PDE4D: variants seen among roughly 807,000 people sequenced by gnomAD.
The protein encoded by PDE4D is phosphodiesterase 4D.
Under a neutral mutation model 87.4 loss-of-function variants are expected in PDE4D, and 24 were observed. The ratio of observed to expected loss-of-function variants is 0.27; its 90% CI spans 0.20 to 0.39. The LOEUF (loss-of-function observed/expected upper bound fraction) is 0.39, where lower values mean the gene tolerates loss of function less well. PDE4D is among the 10% of genes least tolerant of loss of function. PDE4D has a pLI of 1.00. For synonymous variants in PDE4D, 384 were observed against 383.2 expected (o/e 1.00, Z -0.02); for missense variants, 714 against 1,041.0 (o/e 0.69, Z 4.32).
At chr5:60,467,026 T>TTATTA (rs1747410100) in intron 1 of PDE4D, among the ~76,000 whole-genome samples, 1 of 149,926 alleles carries the variant, frequency 6.7e-6, no homozygotes, top group South Asian at 2.1e-4. Context: ...AAATATTTTT[T>TTATTA]TATTTTATTT....
intron 1 of PDE4D, among the ~76,000 whole-genome samples, chr5:59,395,479 C>T (rs1789215913): frequency 6.6e-6 from 1 of 152,156 alleles, no homozygotes; most frequent in African/African-American, 2.4e-5. Context: ...CAGGCTGACA[C>T]CTCACACTGC....
intron 5 of PDE4D, among the ~76,000 whole-genome samples, chr5:59,090,807 C>CTTTTTTTTTTTTTTTTTTTTTTTTTTT (rs61610340): frequency 9.4e-6 from 1 of 106,024 alleles, no homozygotes. Flanking sequence ...TTTTCTTTTT[C>CTTTTTTTTTTTTTTTTTTTTTTTTTTT]TTTTTTTTTT....
intron 1 of PDE4D, among the ~76,000 whole-genome samples, chr5:60,465,897 A>T (rs1168464069): frequency 6.6e-6 from 1 of 151,794 alleles, no homozygotes; most frequent in South Asian, 2.1e-4. Flanking sequence ...AAAAAAAAAG[A>T]AAAGGAAGAG....
intron 3 of PDE4D, among the ~76,000 whole-genome samples, chr5:59,977,677 C>T (rs1340030037): frequency 1.3e-5 from 2 of 152,140 alleles, no homozygotes; most frequent in African/African-American, 4.8e-5. Context: ...AGGCACTACA[C>T]TAAACAACAG....
At chr5:59,594,134 C>G (rs1826304719) in intron 1 of PDE4D, among the ~76,000 whole-genome samples, 1 of 122,190 alleles carries the variant, frequency 8.2e-6, no homozygotes, top group Non-Finnish European at 1.7e-5. Flanking sequence ...GCCATTCTCT[C>G]TCACCTATGG....
chr5:59,089,904 A>G (rs1462184820), intron 5 of PDE4D, among the ~76,000 whole-genome samples: 1 of 152,146 alleles, frequency 6.6e-6, no homozygotes, highest in African/African-American at 2.4e-5. Flanking sequence ...AAATAAAAGC[A>G]GAGAGATGAG....
In PDE4D at chr5:59,278,610, C is replaced by A. The variant is rs535260303; in HGVS notation, c.456-62642G>T. Among the ~76,000 whole-genome samples the A allele has an allele frequency of 3.3e-5, 5 of 152,084 alleles. No homozygotes were observed. In the East Asian group the frequency reaches 9.7e-4, roughly 29 times the overall value. ...CATAACACCACCTTCATAATTCTTT[C>A]CATATTAGCATTCCATCTATACCAT... On this transcript the variant is annotated intron_variant, in intron 1 of 14. Coordinates refer to ENST00000340635, the MANE Select transcript of PDE4D (RefSeq NM_001104631.2).
chr5:59,735,851 T>C (rs1757992455), intron 1 of PDE4D, among the ~76,000 whole-genome samples: 1 of 152,072 alleles, frequency 6.6e-6, no homozygotes, highest in Non-Finnish European at 1.5e-5. Context: ...ATATTTTTAG[T>C]ACAGACGGGA....
At chr5:60,465,148 T>G (rs968296171) in intron 1 of PDE4D, among the ~76,000 whole-genome samples, 5 of 151,816 alleles carry the variant, frequency 3.3e-5, no homozygotes, top group Admixed American at 6.6e-5. Flanking sequence ...AAATAAAAAT[T>G]TAATTTATTA....
chr5:60,425,096 C>G (rs1394174270), intron 1 of PDE4D, among the ~76,000 whole-genome samples: 1 of 152,030 alleles, frequency 6.6e-6, no homozygotes, highest in African/African-American at 2.4e-5. Context: ...ATTGTGAAAA[C>G]GGCCACACTG....
intron 1 of PDE4D, among the ~76,000 whole-genome samples, chr5:59,448,638 T>C (rs1163136125): frequency 6.6e-6 from 1 of 152,162 alleles, no homozygotes; most frequent in Non-Finnish European, 1.5e-5. Flanking sequence ...TAGAATGTTG[T>C]AGTTTTGGAA....
intron 6 of PDE4D, among the ~76,000 whole-genome samples, chr5:59,010,385 GTAT>G (rs758312017): frequency 6.7e-6 from 1 of 150,082 alleles, no homozygotes. Flanking sequence ...ATTCTTTTAA[GTAT>G]TATTATTTTA....
intron 4 of PDE4D, among the ~76,000 whole-genome samples, chr5:59,181,841 C>A (rs897927989): frequency 6.6e-6 from 1 of 152,086 alleles, no homozygotes; most frequent in Non-Finnish European, 1.5e-5. Context: ...TGCTTTGCTG[C>A]CTTAGTTTGA....
intron 1 of PDE4D, among the ~76,000 whole-genome samples, chr5:59,729,950 T>G (rs555052487): frequency 1.3e-5 from 2 of 152,154 alleles, no homozygotes; most frequent in African/African-American, 4.8e-5. Context: ...AGCCCCAGAA[T>G]AGAAACCTAA....
Position 60,262,551 on chromosome 5 carries a change from C to A in PDE4D, c.-89-76864G>T, listed in dbSNP as rs372049833. On this transcript the variant is annotated intron_variant, in intron 1 of 16. Transcript: ENST00000502484. ...CAGAACATTCCCAGGACACAGAAAGCCTCTCTTTATTTTACACCCAATATC... is the reference window on the plus strand; with the variant it reads ...CAGAACATTCCCAGGACACAGAAAGACTCTCTTTATTTTACACCCAATATC... The A allele has an allele frequency of 9.2e-5, 14 of 152,240 alleles. No individual in the cohort carries two copies. The East Asian group carries it at 2.1e-3, about 23-fold the overall frequency. 9.4% of individuals were successfully genotyped at this position (152,240 alleles called of 1,614,324 possible). A position where few individuals can be genotyped will look rare whatever the true frequency, so the allele number is the denominator to read the frequency against.
At chr5:59,811,118 G>A (rs778002641) in intron 1 of PDE4D, among the ~76,000 whole-genome samples, 2 of 152,212 alleles carry the variant, frequency 1.3e-5, no homozygotes, top group Non-Finnish European at 2.9e-5. Context: ...ATAGCACAGA[G>A]GCAAAGGGAA....
chr5:59,785,146 T>C (rs554663173), intron 1 of PDE4D, among the ~76,000 whole-genome samples: 3 of 152,302 alleles, frequency 2.0e-5, no homozygotes, highest in South Asian at 2.1e-4. Context: ...AAAACTGACA[T>C]GATTTTTACA....
chr5:60,387,484 C>T (rs1456723986), intron 1 of PDE4D, among the ~76,000 whole-genome samples: 1 of 152,124 alleles, frequency 6.6e-6, no homozygotes, highest in Non-Finnish European at 1.5e-5. Flanking sequence ...CTCCTAGTTC[C>T]CCTACACTGA....
At position 59,713,783 on chromosome 5, in the gene PDE4D, C is replaced by T. The variant is rs148494693; in HGVS notation, c.455+179385G>A. 2.0e-3 allele frequency among the ~76,000 whole-genome samples: 304 copies of T among 152,184 alleles called. 1 individual carries two copies. Among genetic ancestry groups the T allele is most frequent in the African/African-American group, 6.6e-3 (274 of 41,512 alleles). ...TGAAGCAGCTGGAAGTGCAGAGCACCGAGAAGGAATGAGCCTTTGACAGCA... is the reference window on the plus strand; with the variant it reads ...TGAAGCAGCTGGAAGTGCAGAGCACTGAGAAGGAATGAGCCTTTGACAGCA... On this transcript the variant is annotated intron_variant, in intron 1 of 14. Coordinates refer to ENST00000340635, the MANE Select transcript of PDE4D (RefSeq NM_001104631.2).
Sources: allele counts gnomAD v4.1 joint callset (sites outside exome capture counted in the v4.1 genomes callset), GRCh38; gene constraint gnomAD v4.1.1; transcripts MANE v1.5; gene names NCBI Gene and HGNC (gene_info 2026-07-23, HGNC 2026-07-21).